The following KREMEN1 variants were observed in gnomAD, a reference collection of about 807,000 sequenced individuals.
KREMEN1 encodes the protein kringle containing transmembrane protein 1.
In KREMEN1, 30 loss-of-function variants were observed where a neutral mutation model predicts 46.5. The observed-to-expected ratio is 0.65, with a 90% CI of 0.48 to 0.88. KREMEN1 has a LOEUF of 0.88. Among genes scored for constraint, KREMEN1 ranks in the 40% least tolerant of loss-of-function variants. KREMEN1 has a pLI of 0.00. For synonymous variants in KREMEN1, 214 were observed against 230.6 expected (o/e 0.93, Z 0.65); for missense variants, 533 against 596.9 (o/e 0.89, Z 1.11).
At position 29,142,233 on chromosome 22, in the gene KREMEN1, C is replaced by G. The variant is rs2038775852; in HGVS notation, c.*121C>G. On this transcript the variant is annotated 3_prime_UTR_variant, in exon 9 of 9. Coordinates refer to ENST00000400335, the MANE Select transcript of KREMEN1 (RefSeq NM_001039570.3). ...TCCTCTCCCTCTGCCTCGGCCTCTT[C>G]GGGGAAACCCTCCTCCTACAGACTA... The G allele has an allele frequency of 2.0e-5, 28 of 1,385,258 alleles. No homozygotes were observed. In the South Asian group the frequency reaches 5.4e-4, roughly 26 times the overall value. 85.8% of individuals were successfully genotyped at this position (1,385,258 alleles called of 1,614,324 possible).
intron 9 of KREMEN1, among the ~76,000 whole-genome samples, chr22:29,155,973 AAT>A (rs1556020284): frequency 1.4e-5 from 2 of 139,298 alleles, no homozygotes; most frequent in Non-Finnish European, 3.3e-5. Context: ...AAAAAAAAAA[AAT>A]TTGGAAAGCA....
At chr22:29,148,081 C>T (rs899307245), downstream of KREMEN1, among the ~76,000 whole-genome samples, 3 of 152,148 alleles carry the variant, frequency 2.0e-5, no homozygotes, top group Admixed American at 6.5e-5. Flanking sequence ...GGTGCCTGAG[C>T]GGAGAGAGGG....
intron 4 of KREMEN1, among the ~76,000 whole-genome samples, chr22:29,123,927 CAA>C (rs2038398525): frequency 6.6e-6 from 1 of 152,044 alleles, no homozygotes; most frequent in Non-Finnish European, 1.5e-5. Flanking sequence ...CTGAAAATAA[CAA>C]GTGCTGACAA....
At chr22:29,088,327 A>G (rs11703524) in intron 1 of KREMEN1, among the ~76,000 whole-genome samples, 3,650 of 150,494 alleles carry the variant, frequency 0.024, 109 homozygotes, top group African/African-American at 0.068. Flanking sequence ...ACACACACAC[A>G]CACGCACACA....
chr22:29,088,328 C>CACAT (rs1242186513), intron 1 of KREMEN1, among the ~76,000 whole-genome samples: 1 of 44,610 alleles, frequency 2.2e-5, no homozygotes, highest in Non-Finnish European at 6.5e-5. Context: ...CACACACACA[C>CACAT]ACGCACACAC....
chr22:29,146,877 C>T (rs2301445), downstream of KREMEN1: 13,772 of 793,196 alleles, frequency 0.017, 308 homozygotes, highest in East Asian at 0.11. Flanking sequence ...GTGGGACAAG[C>T]GGAGGGTGTC....
intron 5 of KREMEN1, among the ~76,000 whole-genome samples, chr22:29,134,797 T>C (rs2038630877): frequency 6.6e-6 from 1 of 152,188 alleles, no homozygotes; most frequent in African/African-American, 2.4e-5. Context: ...GTGCTTAGTG[T>C]GGAGCCTAGA....
chr22:29,124,674 G>A (rs1422843909), intron 4 of KREMEN1, among the ~76,000 whole-genome samples: 1 of 152,034 alleles, frequency 6.6e-6, no homozygotes, highest in African/African-American at 2.4e-5. Context: ...TGTATTTTTA[G>A]TAGAGACGGG....
chr22:29,102,341 T>TAA (rs2037990582), intron 3 of KREMEN1, among the ~76,000 whole-genome samples: 1 of 152,156 alleles, frequency 6.6e-6, no homozygotes. Context: ...TAGAAAACAG[T>TAA]AAAGACCAGA....
chr22:29,130,220 C>T (rs2038511581), intron 5 of KREMEN1, among the ~76,000 whole-genome samples: 1 of 152,050 alleles, frequency 6.6e-6, no homozygotes, highest in Non-Finnish European at 1.5e-5. Context: ...AGTAATCTGC[C>T]CAAGGTCCCA....
intron 2 of KREMEN1, among the ~76,000 whole-genome samples, chr22:29,097,940 G>T (rs2037907319): frequency 6.6e-6 from 1 of 152,086 alleles, no homozygotes; most frequent in Non-Finnish European, 1.5e-5. Flanking sequence ...TCAGCACTTT[G>T]CGGGGCCGAG....
At chr22:29,110,253 T>C (rs1341069222) in intron 3 of KREMEN1, among the ~76,000 whole-genome samples, 1 of 152,184 alleles carries the variant, frequency 6.6e-6, no homozygotes, top group Non-Finnish European at 1.5e-5. Context: ...CAGTGACTTC[T>C]CTCAACAGCA....
chr22:29,081,083 C>A (rs1292406118), intron 1 of KREMEN1, among the ~76,000 whole-genome samples: 1 of 151,644 alleles, frequency 6.6e-6, no homozygotes, highest in Non-Finnish European at 1.5e-5. Flanking sequence ...TGGTGTGCTG[C>A]ACCCATTAAC....
chr22:29,091,948 G>A lies in KREMEN1; in HGVS notation c.98-2310G>A, dbSNP rs529391127. 6.9e-4 allele frequency among the ~76,000 whole-genome samples: 105 copies of A among 152,274 alleles called. 1 individual carries two copies. The highest frequency in any genetic ancestry group is 5.2e-3 in the Admixed American group (79 of 15,292). On this transcript the variant is annotated intron_variant, in intron 1 of 8. Coordinates refer to ENST00000400335, the MANE Select transcript of KREMEN1 (RefSeq NM_001039570.3). ...GAATTAAAAGCAGACCAGTGTGGCC[G>A]AAGCACAGCGAGTGAGTAAGGGAAG... is the stretch of plus-strand genomic sequence containing the variant.
intron 2 of KREMEN1, among the ~76,000 whole-genome samples, chr22:29,097,262 C>G (rs1238320022): frequency 2.0e-5 from 3 of 152,188 alleles, no homozygotes; most frequent in Non-Finnish European, 4.4e-5. Flanking sequence ...GAGAGGCGAG[C>G]CTTTTCTGTG....
Position 29,144,110 on chromosome 22 carries a change from CCTCTCCACAAGGCA to C in KREMEN1, c.*2001_*2014del. ...AGGCCTAGGCCCTCGTCAGAGCGTG[CCTCTCCACAAGGCA>C]CTTGGGCCTGGGTGATTGTTGCGCC... On this transcript the variant is annotated 3_prime_UTR_variant, in exon 9 of 9. Coordinates refer to ENST00000400335, the MANE Select transcript of KREMEN1 (RefSeq NM_001039570.3). 1 of 985,542 alleles carries C rather than the reference CCTCTCCACAAGGCA, an allele frequency of 1.0e-6. No individual in the cohort carries two copies. Among genetic ancestry groups the C allele is most frequent in the Non-Finnish European group, 1.2e-6 (1 of 829,978 alleles). The allele number at this position is 985,542 out of a possible 1,614,324, so 61.0% of individuals were successfully genotyped here.
downstream of KREMEN1, among the ~76,000 whole-genome samples, chr22:29,148,988 C>A (rs1285350236): frequency 1.3e-5 from 2 of 152,074 alleles, no homozygotes; most frequent in Non-Finnish European, 2.9e-5. Flanking sequence ...TCCCTATGTG[C>A]TCTGTTAAAC....
In KREMEN1 at chr22:29,143,137, T is replaced by A; in HGVS notation, c.*1025T>A. On this transcript the variant is annotated 3_prime_UTR_variant, in exon 9 of 9. Transcript: ENST00000400335. ...TGCACTCCAGCCTGGGTGACAAGAG[T>A]GAGACTCTGTCTCAAAAAAACAAAA... is the stretch of plus-strand genomic sequence containing the variant. The A allele has an allele frequency of 2.1e-6, 2 of 943,282 alleles. No individual in the cohort carries two copies. Among genetic ancestry groups the A allele is most frequent in the Non-Finnish European group, 2.5e-6 (2 of 792,074 alleles). The allele number at this position is 943,282 out of a possible 1,614,324, so 58.4% of individuals were successfully genotyped here. A position where few individuals can be genotyped will look rare whatever the true frequency, so the allele number is the denominator to read the frequency against.
chr22:29,142,780 C>A lies in KREMEN1; in HGVS notation c.*668C>A, dbSNP rs965303827. The A allele has an allele frequency of 2.6e-5, 26 of 985,340 alleles. No individual in the cohort carries two copies. The highest frequency in any genetic ancestry group is 3.1e-5 in the Non-Finnish European group (26 of 829,926). 61.0% of individuals were successfully genotyped at this position (985,340 alleles called of 1,614,324 possible). On this transcript the variant is annotated 3_prime_UTR_variant, in exon 9 of 9. Transcript: ENST00000400335. ...TTTATATCAAACCTGATACCTTACA[C>A]ATGGGCTTCTTTCTAGATTCTTCTT...
Sources: gnomAD v4.1 joint callset for allele counts (sites outside exome capture counted in the v4.1 genomes callset) on GRCh38, gnomAD v4.1.1 for gene constraint, MANE v1.5 for transcripts, NCBI Gene and HGNC (gene_info 2026-07-23, HGNC 2026-07-21) for gene names.